The following TENM3 variants were observed in gnomAD, a reference collection of about 807,000 sequenced individuals.
TENM3 encodes teneurin-3.
TENM3 carries 63 observed loss-of-function variants against 255.1 expected under a neutral mutation model. That is an observed-to-expected ratio of 0.25 (90% confidence interval 0.20 to 0.30). The LOEUF is 0.30. Among genes scored for constraint, TENM3 ranks in the 10% least tolerant of loss-of-function variants. TENM3 has a pLI of 1.00. For synonymous variants in TENM3, 1,306 were observed against 1,322.3 expected, an observed-to-expected ratio of 0.99 and a Z score of 0.27; for missense variants, 2,929 against 3,461.1, an observed-to-expected ratio of 0.85 and a Z score of 3.86.
At position 182,217,009 on chromosome 4, in the gene TENM3, C is replaced by CTTTTTTTTTT. The variant is rs3071526; in HGVS notation, c.-76+72277_-76+72286dup. Among the ~76,000 whole-genome samples the CTTTTTTTTTT allele has an allele frequency of 6.8e-3, 457 of 67,556 alleles. 11 individuals carry two copies. The highest frequency in any genetic ancestry group is 0.017 in the East Asian group (29 of 1,668). 44.3% of individuals were successfully genotyped at this position (67,556 alleles called of 152,430 possible). A position where few individuals can be genotyped will look rare whatever the true frequency, so the allele number is the denominator to read the frequency against. ...TCTAAATTTCACCATCATTTTCTTT[C>CTTTTTTTTTT]TTTTTTTTTTTTTTTTTTTTTTTTT... On this transcript the variant is annotated intron_variant, in intron 1 of 2. Coordinates refer to the TENM3 transcript ENST00000512480.
At chr4:182,459,354 T>G (rs1369833467) in intron 3 of TENM3, among the ~76,000 whole-genome samples, 17 of 151,668 alleles carry the variant, frequency 1.1e-4, no homozygotes. Context: ...AATTCTGGAG[T>G]TTTTAAGAGT....
chr4:181,929,551 A>G, the TENM3 span, among the ~76,000 whole-genome samples: 1 of 152,172 alleles, frequency 6.6e-6, no homozygotes, highest in East Asian at 1.9e-4. Flanking sequence ...AGAGAACTAC[A>G]AAGAGACTTA....
chr4:181,831,715 G>T, the TENM3 span, among the ~76,000 whole-genome samples: 3 of 152,110 alleles, frequency 2.0e-5, no homozygotes, highest in African/African-American at 7.2e-5. Context: ...GCTTTGTAGA[G>T]AACAGATTCT....
At chr4:181,764,744 G>A in the TENM3 span, among the ~76,000 whole-genome samples, 1 of 152,180 alleles carries the variant, frequency 6.6e-6, no homozygotes, top group Non-Finnish European at 1.5e-5. Flanking sequence ...AGATTGTACT[G>A]CAGCAGTACA....
chr4:182,362,262 G>T (rs1377621415), intron 3 of TENM3, among the ~76,000 whole-genome samples: 1 of 152,092 alleles, frequency 6.6e-6, no homozygotes, highest in Non-Finnish European at 1.5e-5. Context: ...GTCAGACAGG[G>T]ACATTTAAGT....
In TENM3 at chr4:182,801,433, G is replaced by C. The variant is rs1766962154; in HGVS notation, c.*1082G>C. ...CTAGGGCTGGTGGAATGTAAGGGAA[G>C]AAGATTGAAAAAACGGGAGGAAGGG... is the stretch of plus-strand genomic sequence containing the variant. On this transcript the variant is annotated 3_prime_UTR_variant, in exon 28 of 28. Coordinates refer to ENST00000511685, the MANE Select transcript of TENM3 (RefSeq NM_001080477.4). 1 of 152,084 alleles carries C rather than the reference G, an allele frequency of 6.6e-6. No individual in the cohort carries two copies. Among genetic ancestry groups the C allele is most frequent in the African/African-American group, 2.4e-5 (1 of 41,414 alleles). The allele number at this position is 152,084 out of a possible 1,614,324, so 9.4% of individuals were successfully genotyped here.
the TENM3 span, among the ~76,000 whole-genome samples, chr4:181,715,167 T>C: frequency 6.6e-6 from 1 of 152,204 alleles, no homozygotes; most frequent in Non-Finnish European, 1.5e-5. Context: ...CTTTACTTCA[T>C]TCTTTCACTT....
chr4:182,562,678 TA>T (rs1429454093), intron 3 of TENM3, among the ~76,000 whole-genome samples: 1 of 152,144 alleles, frequency 6.6e-6, no homozygotes, highest in East Asian at 1.9e-4. Context: ...TATGCTACTT[TA>T]CCCTCCTGGA....
intron 1 of TENM3, among the ~76,000 whole-genome samples, chr4:182,247,810 T>C (rs1379248033): frequency 6.6e-6 from 1 of 152,136 alleles, no homozygotes; most frequent in Non-Finnish European, 1.5e-5. Flanking sequence ...TAACAAAATT[T>C]TATTGGGAAA....
the TENM3 span, among the ~76,000 whole-genome samples, chr4:181,760,999 C>T: frequency 0.037 from 5,340 of 145,572 alleles, 173 homozygotes; most frequent in Middle Eastern, 0.098. Context: ...CACACACACA[C>T]ACACACACAC....
the TENM3 span, among the ~76,000 whole-genome samples, chr4:182,069,473 T>C: frequency 6.6e-6 from 1 of 152,162 alleles, no homozygotes; most frequent in African/African-American, 2.4e-5. Flanking sequence ...AGCCCCCTTC[T>C]ACCATATATC....
intron 3 of TENM3, among the ~76,000 whole-genome samples, chr4:182,384,757 C>A (rs1024628800): frequency 6.6e-6 from 1 of 152,060 alleles, no homozygotes; most frequent in African/African-American, 2.4e-5. Flanking sequence ...AATTACTCTT[C>A]TTTTTTTCAG....
At chr4:182,067,833 G>A in the TENM3 span, among the ~76,000 whole-genome samples, 5 of 152,078 alleles carry the variant, frequency 3.3e-5, no homozygotes, top group Non-Finnish European at 7.4e-5. Context: ...GAAAAAGTTT[G>A]TGTTACCATT....
chr4:181,604,400 A>C, the TENM3 span, among the ~76,000 whole-genome samples: 3 of 152,236 alleles, frequency 2.0e-5, no homozygotes, highest in Non-Finnish European at 4.4e-5. Context: ...TTGGAGAACA[A>C]AACAGAAAGC....
intron 19 of TENM3, 35 bp from the exon 20 acceptor site, chr4:182,751,765 C>T (rs780870010): frequency 1.4e-6 from 2 of 1,480,558 alleles, no homozygotes; most frequent in African/African-American, 2.8e-5. Context: ...TTAGGAGTAA[C>T]TCCCTTTGAT....
At chr4:182,440,625 A>G (rs1772400830) in intron 3 of TENM3, among the ~76,000 whole-genome samples, 1 of 152,220 alleles carries the variant, frequency 6.6e-6, no homozygotes, top group African/African-American at 2.4e-5. Flanking sequence ...AGAAGATGAA[A>G]GAGATGAAAA....
intron 3 of TENM3, among the ~76,000 whole-genome samples, chr4:182,568,194 A>G (rs1743991162): frequency 6.6e-6 from 1 of 152,220 alleles, no homozygotes; most frequent in African/African-American, 2.4e-5. Context: ...CATGTAAGCC[A>G]GTATTGTCTA....
At chr4:181,767,177 G>A in the TENM3 span, among the ~76,000 whole-genome samples, 1 of 149,284 alleles carries the variant, frequency 6.7e-6, no homozygotes. Context: ...GCGTGAACCC[G>A]GGAGGCGGAG....
At chr4:182,757,850 T>G (rs1332127606) in intron 22 of TENM3, among the ~76,000 whole-genome samples, 3 of 152,170 alleles carry the variant, frequency 2.0e-5, no homozygotes, top group Non-Finnish European at 4.4e-5. Context: ...TCACCAATAC[T>G]TATTACATGT....
Sources: gnomAD v4.1 joint callset for allele counts (sites outside exome capture counted in the v4.1 genomes callset) on GRCh38, gnomAD v4.1.1 for gene constraint, MANE v1.5 for transcripts, NCBI Gene and HGNC (gene_info 2026-07-23, HGNC 2026-07-21) for gene names.